The following CELF5 variants were observed in gnomAD, a reference collection of about 807,000 sequenced individuals.
CELF5 encodes the protein CUGBP Elav-like family member 5.
A neutral mutation model predicts 54.9 loss-of-function variants in CELF5; 6 were observed. That is an observed-to-expected ratio of 0.11 (90% CI 0.06 to 0.22). The LOEUF (loss-of-function observed/expected upper bound fraction) is 0.22. CELF5 is among the 10% of genes least tolerant of loss of function. The pLI is 1.00. For missense variants in CELF5, 401 were observed against 678.6 expected (o/e 0.59, Z 4.54); for synonymous variants, 271 against 290.9 (o/e 0.93, Z 0.70).
chr19:3,273,221 G>A (rs748868100), intron 2 of CELF5, among the ~76,000 whole-genome samples: 3 of 152,172 alleles, frequency 2.0e-5, no homozygotes, highest in Non-Finnish European at 2.9e-5. Flanking sequence ...TCAGCTGGAC[G>A]GCTCTTCTGT....
At chr19:3,262,625 G>A (rs1458433577) in intron 2 of CELF5, among the ~76,000 whole-genome samples, 1 of 152,118 alleles carries the variant, frequency 6.6e-6, no homozygotes, top group Non-Finnish European at 1.5e-5. Context: ...CTAGAGTCTA[G>A]AATCTAAAGC....
intron 10 of CELF5, among the ~76,000 whole-genome samples, chr19:3,289,143 C>G (rs1170630531): frequency 6.6e-6 from 1 of 152,050 alleles, no homozygotes; most frequent in African/African-American, 2.4e-5. Context: ...GGACTGGGGA[C>G]CAGAGAATTA....
At chr19:3,244,191 T>G (rs947791227) in intron 1 of CELF5, among the ~76,000 whole-genome samples, 1 of 151,906 alleles carries the variant, frequency 6.6e-6, no homozygotes, top group Non-Finnish European at 1.5e-5. Context: ...ATAAGGAAGA[T>G]TTTCAGCACC....
At chr19:3,284,654 G>C in intron 8 of CELF5, 1 of 547,226 alleles carries the variant, frequency 1.8e-6, no homozygotes, top group South Asian at 2.2e-5. Flanking sequence ...AGATGGGGAC[G>C]ATGGTGATCT....
At chr19:3,244,417 TGTGTGTA>T (rs1265817730) in intron 1 of CELF5, among the ~76,000 whole-genome samples, 1 of 146,916 alleles carries the variant, frequency 6.8e-6, no homozygotes, top group Non-Finnish European at 1.5e-5. Flanking sequence ...TGTGTGTATG[TGTGTGTA>T]GTGTGTGGTG....
At chr19:3,245,794 C>T (rs568996833) in intron 1 of CELF5, among the ~76,000 whole-genome samples, 3 of 152,256 alleles carry the variant, frequency 2.0e-5, no homozygotes, top group Admixed American at 2.0e-4. Context: ...CACATAGACT[C>T]TGTGAAGAGC....
At chr19:3,235,228 T>G (rs1917480494) in intron 1 of CELF5, among the ~76,000 whole-genome samples, 1 of 151,944 alleles carries the variant, frequency 6.6e-6, no homozygotes, top group African/African-American at 2.4e-5. Flanking sequence ...TTCTGTAAGC[T>G]TCACCTTTTT....
chr19:3,284,180 C>T (rs530499222), intron 8 of CELF5, among the ~76,000 whole-genome samples: 9 of 150,818 alleles, frequency 6.0e-5, no homozygotes, highest in African/African-American at 1.9e-4. Context: ...ACTCTGTGCA[C>T]GTGTGTGTGT....
chr19:3,225,782 C>T (rs936732048), intron 1 of CELF5, among the ~76,000 whole-genome samples: 4 of 150,730 alleles, frequency 2.7e-5, no homozygotes, highest in African/African-American at 9.8e-5. Flanking sequence ...TCCCCCTCCC[C>T]CGCCTCCACC....
At chr19:3,257,788 TA>T (rs2079751821) in intron 2 of CELF5, among the ~76,000 whole-genome samples, 43 of 69,580 alleles carry the variant, frequency 6.2e-4, no homozygotes, top group Admixed American at 1.1e-3. Context: ...CATTTTTTTT[TA>T]TTTATTTATT....
At chr19:3,257,595 C>T (rs2079746604) in intron 2 of CELF5, among the ~76,000 whole-genome samples, 1 of 151,528 alleles carries the variant, frequency 6.6e-6, no homozygotes, top group Admixed American at 6.6e-5. Flanking sequence ...CCTGCCTCAG[C>T]CTCCCGAGTA....
intron 2 of CELF5, among the ~76,000 whole-genome samples, chr19:3,264,306 T>TG (rs1428636679): frequency 2.0e-5 from 3 of 151,432 alleles, no homozygotes; most frequent in African/African-American, 7.3e-5. Flanking sequence ...ACTAGGTGTT[T>TG]TTTTTTTTTT....
At chr19:3,231,900 G>C (rs1024499203) in intron 1 of CELF5, among the ~76,000 whole-genome samples, 2 of 151,522 alleles carry the variant, frequency 1.3e-5, no homozygotes, top group African/African-American at 2.4e-5. Flanking sequence ...ATGATGGGTA[G>C]ATGGAGAAAT....
intron 1 of CELF5, among the ~76,000 whole-genome samples, chr19:3,241,710 T>C (rs1271807769): frequency 2.0e-5 from 3 of 152,008 alleles, no homozygotes; most frequent in South Asian, 2.1e-4. Flanking sequence ...ACAGTTGAAA[T>C]GGGATCCACA....
chr19:3,257,678 G>T (rs2145173565), intron 2 of CELF5, among the ~76,000 whole-genome samples: 1 of 151,774 alleles, frequency 6.6e-6, no homozygotes, highest in East Asian at 1.9e-4. Context: ...GTTTCCCCAT[G>T]TTGGTCAGGC....
chr19:3,228,344 G>T lies in CELF5; in HGVS notation c.259+3346G>T, dbSNP rs562940256. On this transcript the variant is annotated intron_variant, in intron 1 of 12. Coordinates refer to ENST00000292672, the MANE Select transcript of CELF5 (RefSeq NM_021938.4). The surrounding 1 kb of genome is among the most constrained non-coding windows in gnomAD (Gnocchi z 6.0). ...ACCCCAGGCCAGGGGCTCAGGCCAA[G>T]AACTGGAGGCTGGGATTGGGGCTCC... is the stretch of plus-strand genomic sequence containing the variant. 6.6e-6 allele frequency among the ~76,000 whole-genome samples: 1 copy of T among 152,302 alleles called. No homozygotes were observed. Among genetic ancestry groups the T allele is most frequent in the African/African-American group, 2.4e-5 (1 of 41,572 alleles).
At chr19:3,258,890 C>T (rs772237025) in intron 2 of CELF5, among the ~76,000 whole-genome samples, 1 of 152,252 alleles carries the variant, frequency 6.6e-6, no homozygotes, top group East Asian at 1.9e-4. Context: ...AGATTACAGA[C>T]GTGAGCCACT....
chr19:3,226,262 ATGAAT>A (rs1162414578), intron 1 of CELF5, among the ~76,000 whole-genome samples: 4 of 129,288 alleles, frequency 3.1e-5, no homozygotes, highest in Non-Finnish European at 5.1e-5. Flanking sequence ...TATTGAATGA[ATGAAT>A]TGAATGAATG....
intron 2 of CELF5, among the ~76,000 whole-genome samples, chr19:3,253,631 G>A (rs1022357226): frequency 6.6e-6 from 1 of 152,166 alleles, no homozygotes; most frequent in Non-Finnish European, 1.5e-5. Flanking sequence ...GCAGAGCAGG[G>A]GGGGCAAAGG....
Sources: gnomAD v4.1 joint callset for allele counts (sites outside exome capture counted in the v4.1 genomes callset) on GRCh38, gnomAD v4.1.1 for gene constraint, Gnocchi (gnomAD v3.1) non-coding constraint, MANE v1.5 for transcripts, NCBI Gene and HGNC (gene_info 2026-07-23, HGNC 2026-07-21) for gene names.